Variants in LRRC31 observed in about 807,000 individuals in gnomAD.
LRRC31 encodes the protein leucine-rich repeat-containing protein 31.
LRRC31 carries 35 observed loss-of-function variants against 46.7 expected under a neutral mutation model. That is an observed-to-expected ratio of 0.75 (90% CI 0.57 to 0.99). The LOEUF (loss-of-function observed/expected upper bound fraction) is 0.99. LRRC31 is among the 50% of genes least tolerant of loss of function. The probability of loss-of-function intolerance (pLI) is 0.00; values close to 1 mark genes in which losing one functional copy is unlikely to be tolerated. For missense variants in LRRC31, 613 were observed against 626.1 expected, an observed-to-expected ratio of 0.98 and a Z score of 0.22; for synonymous variants, 236 against 235.1, an observed-to-expected ratio of 1.00 and a Z score of -0.03.
chr3:169,861,620 T>C (rs1469422052), intron 2 of LRRC31, 50 bp downstream of exon 2: 1 of 1,591,084 alleles, frequency 6.3e-7, no homozygotes, highest in East Asian at 2.2e-5. Context: ...TCTGCTTATC[T>C]CAATGGAAAG....
At chr3:169,855,181 T>C (rs1366635005) in intron 5 of LRRC31, among the ~76,000 whole-genome samples, 1 of 152,056 alleles carries the variant, frequency 6.6e-6, no homozygotes, top group Non-Finnish European at 1.5e-5. Flanking sequence ...CCTAGGACTT[T>C]GGGAGGCTGA....
chr3:169,869,207 C>T (rs1213167412), intron 1 of LRRC31, among the ~76,000 whole-genome samples: 4 of 151,730 alleles, frequency 2.6e-5, no homozygotes, highest in Non-Finnish European at 1.5e-5. Flanking sequence ...CCCATCTCTA[C>T]TAAAAACACA....
chr3:169,840,702 C>G (rs1780423036), intron 8 of LRRC31, among the ~76,000 whole-genome samples: 1 of 152,186 alleles, frequency 6.6e-6, no homozygotes, highest in African/African-American at 2.4e-5. Context: ...TTCATTCATT[C>G]AGTACTTCTT....
At chr3:169,860,213 T>C (rs968977117) in intron 3 of LRRC31, among the ~76,000 whole-genome samples, 7 of 151,634 alleles carry the variant, frequency 4.6e-5, no homozygotes, top group African/African-American at 1.7e-4. Flanking sequence ...AGCCTTGTTC[T>C]TTTTTTTCTT....
At chr3:169,867,047 G>GTTTTTTTTTT (rs1560636105) in intron 1 of LRRC31, among the ~76,000 whole-genome samples, 1 of 92,676 alleles carries the variant, frequency 1.1e-5, no homozygotes, top group African/African-American at 9.5e-5. Context: ...GGTTTTTTTT[G>GTTTTTTTTTT]TTTGTTTGTT....
rs748393839 is a variant in LRRC31 at position 169,860,610 on chromosome 3, G to C, written c.438C>G (p.Ile146Met). The C allele has an allele frequency of 6.2e-7, 1 of 1,614,160 alleles. No individual in the cohort carries two copies. Among genetic ancestry groups the C allele is most frequent in the Non-Finnish European group, 8.5e-7 (1 of 1,180,016 alleles). ...TGAGTCTGCAGCTACCCAGCCTCAA[G>C]ATTTTTAACTTGCTGACCAGATGCA... ...QQMHLVSKLK[I>M]LRLGSCRLTT... Residue 146 changes from isoleucine (I) to methionine (M), a missense_variant, in exon 3 of 9, where the codon ATC becomes ATG. Physicochemically the swap from Ile to Met is conservative, Grantham distance 10 (BLOSUM62 1). Transcript: ENST00000316428.
intron 1 of LRRC31, among the ~76,000 whole-genome samples, chr3:169,866,272 A>G (rs1781329859): frequency 6.6e-6 from 1 of 152,180 alleles, no homozygotes; most frequent in Non-Finnish European, 1.5e-5. Flanking sequence ...GGCAGCAGCA[A>G]TGGAGAGGAA....
intron 5 of LRRC31, among the ~76,000 whole-genome samples, chr3:169,856,071 T>C (rs952089612): frequency 2.6e-5 from 4 of 151,784 alleles, no homozygotes; most frequent in Admixed American, 2.0e-4. Flanking sequence ...TTAGTAGAGA[T>C]GGGGTTTCAC....
intron 1 of LRRC31, among the ~76,000 whole-genome samples, chr3:169,863,579 C>T (rs148930482): frequency 6.6e-6 from 1 of 152,318 alleles, no homozygotes; most frequent in African/African-American, 2.4e-5. Context: ...TGTTGGGATG[C>T]TTGGTGTTAC....
Position 169,856,323 on chromosome 3 carries a change from A to G in LRRC31, c.823+13T>C. ...TATACATGTAATCTTAAATCCAGCCATTGTTAACTCACCCAATATTTTGAC... is the reference window on the plus strand; with the variant it reads ...TATACATGTAATCTTAAATCCAGCCGTTGTTAACTCACCCAATATTTTGAC... On this transcript the variant is annotated intron_variant, in intron 5 of 8. Coordinates refer to ENST00000316428, the MANE Select transcript of LRRC31 (RefSeq NM_024727.4). The G allele has an allele frequency of 2.6e-6, 4 of 1,528,554 alleles. No individual in the cohort carries two copies. Among genetic ancestry groups the G allele is most frequent in the Non-Finnish European group, 3.5e-6 (4 of 1,132,212 alleles). 94.7% of individuals were successfully genotyped at this position (1,528,554 alleles called of 1,614,324 possible). A position where few individuals can be genotyped will look rare whatever the true frequency, so the allele number is the denominator to read the frequency against.
intron 7 of LRRC31, among the ~76,000 whole-genome samples, chr3:169,851,246 C>T (rs1285602704): frequency 6.6e-6 from 1 of 152,056 alleles, no homozygotes; most frequent in Non-Finnish European, 1.5e-5. Context: ...AACCCTGTCT[C>T]TACTAAAAAT....
chr3:169,845,096 C>T (rs1033834048), intron 8 of LRRC31, among the ~76,000 whole-genome samples: 6 of 152,094 alleles, frequency 3.9e-5, no homozygotes, highest in South Asian at 2.1e-4. Context: ...TATATATCCA[C>T]GTAACATTGG....
chr3:169,839,389 G>T lies in LRRC31; in HGVS notation c.*593C>A, dbSNP rs1010265252. ...TCATGGTTTATATCTGAGATAAAAGGCACCAGAATATAAAATAATAAACCA... is the reference window on the plus strand; with the variant it reads ...TCATGGTTTATATCTGAGATAAAAGTCACCAGAATATAAAATAATAAACCA... On this transcript the variant is annotated 3_prime_UTR_variant, in exon 9 of 9. Transcript: ENST00000316428. 3 of 152,006 alleles carry T rather than the reference G, an allele frequency of 2.0e-5. No homozygotes were observed. Among genetic ancestry groups the T allele is most frequent in the Non-Finnish European group, 4.4e-5 (3 of 67,988 alleles). The allele number at this position is 152,006 out of a possible 1,614,324, so 9.4% of individuals were successfully genotyped here.
intron 1 of LRRC31, among the ~76,000 whole-genome samples, chr3:169,867,459 G>A (rs528717517): frequency 4.3e-4 from 65 of 151,750 alleles, no homozygotes; most frequent in East Asian, 1.2e-3. Context: ...GGGTTTTACC[G>A]TATTAGCCAG....
At chr3:169,867,224 A>C (rs1781360577) in intron 1 of LRRC31, among the ~76,000 whole-genome samples, 1 of 148,494 alleles carries the variant, frequency 6.7e-6, no homozygotes, top group Non-Finnish European at 1.5e-5. Context: ...CTAATTTTTA[A>C]ACTATTTTCT....
At chr3:169,857,317 C>CATATAT (rs1560629829) in intron 3 of LRRC31, among the ~76,000 whole-genome samples, 6 of 55,594 alleles carry the variant, frequency 1.1e-4, no homozygotes, top group African/African-American at 3.2e-4. Flanking sequence ...ATATCACATG[C>CATATAT]CTATATATAT....
intron 8 of LRRC31, among the ~76,000 whole-genome samples, chr3:169,844,505 C>G (rs911054060): frequency 6.6e-6 from 1 of 152,092 alleles, no homozygotes; most frequent in Non-Finnish European, 1.5e-5. Flanking sequence ...AAATGGAATG[C>G]TTTTCCCCTT....
chr3:169,856,988 C>A, intron 3 of LRRC31, 116 bp from the exon 4 acceptor site: 1 of 902,322 alleles, frequency 1.1e-6, no homozygotes, highest in Non-Finnish European at 1.6e-6. Context: ...AGGTACTGTC[C>A]TGTTTGGCAC....
At chr3:169,869,021 C>T (rs1027173365) in intron 1 of LRRC31, among the ~76,000 whole-genome samples, 2 of 151,648 alleles carry the variant, frequency 1.3e-5, no homozygotes, top group Admixed American at 6.6e-5. Flanking sequence ...TACAAACAAC[C>T]CGTTGTGCTC....
Sources: allele counts gnomAD v4.1 joint callset (sites outside exome capture counted in the v4.1 genomes callset), GRCh38; gene constraint gnomAD v4.1.1; transcripts MANE v1.5; gene names NCBI Gene and HGNC (gene_info 2026-07-23, HGNC 2026-07-21).